RWDD2B: variants seen among roughly 807,000 people sequenced by gnomAD.
RWDD2B encodes RWD domain containing 2B.
Under a neutral mutation model 33.6 loss-of-function variants are expected in RWDD2B, and 36 were observed. That is an observed-to-expected ratio of 1.07 (90% CI 0.82 to 1.42). The LOEUF is 1.42. Ranked by LOEUF, RWDD2B falls within the 40% of genes most tolerant of loss-of-function variation. The pLI is 0.00. For synonymous variants in RWDD2B, 126 were observed against 133.1 expected (o/e 0.95, Z 0.37); for missense variants, 364 against 377.5 (o/e 0.96, Z 0.30).
intron 1 of RWDD2B, among the ~76,000 whole-genome samples, chr21:29,010,937 G>A (rs1315994053): frequency 6.6e-6 from 1 of 152,216 alleles, no homozygotes; most frequent in Admixed American, 6.5e-5. Flanking sequence ...CCCGAGATGC[G>A]GGGATTGCAG....
intron 1 of RWDD2B, among the ~76,000 whole-genome samples, chr21:29,010,722 A>G (rs2084853436): frequency 6.6e-6 from 1 of 151,324 alleles, no homozygotes; most frequent in South Asian, 2.1e-4. Flanking sequence ...TTCCGAGCCG[A>G]AGCTGGACGG....
intron 1 of RWDD2B, among the ~76,000 whole-genome samples, chr21:29,014,720 C>T (rs1170182074): frequency 6.6e-6 from 1 of 152,132 alleles, no homozygotes; most frequent in African/African-American, 2.4e-5. Context: ...ACTCAGGAGG[C>T]TGAGGCAGGA....
intron 1 of RWDD2B, among the ~76,000 whole-genome samples, chr21:29,015,053 T>G (rs1601024209): frequency 6.6e-6 from 1 of 151,882 alleles, no homozygotes; most frequent in South Asian, 2.1e-4. Flanking sequence ...GCTTAACAGG[T>G]TTTTACTTTC....
chr21:29,017,703 C>T (rs1477210570), intron 1 of RWDD2B, among the ~76,000 whole-genome samples: 1 of 152,112 alleles, frequency 6.6e-6, no homozygotes, highest in Non-Finnish European at 1.5e-5. Flanking sequence ...AATGAGGCAG[C>T]AGGGGTGAGA....
In RWDD2B at chr21:29,006,502, A is replaced by T. The variant is rs1333170979; in HGVS notation, c.875T>A (p.Met292Lys). 1.2e-6 allele frequency: 2 copies of T among 1,614,130 alleles called. No homozygotes were observed. The highest frequency in any genetic ancestry group is 2.7e-5 in the African/African-American group (2 of 75,056). The change falls in exon 5 of 5, where the codon ATG becomes AAG. Residue 292 changes from methionine (M) to lysine (K), a missense_variant. Met to Lys is a moderately conservative substitution (Grantham distance 95). Transcript: ENST00000493196. Reference sequence around the variant, plus strand: ...GAACTGATAGAGCTGACCAAAGTCCATGTGGTTTCCCCTGGCTCCATTAAC... The same window carrying T: ...GAACTGATAGAGCTGACCAAAGTCCTTGTGGTTTCCCCTGGCTCCATTAAC... ...FSVNGARGNH[M>K]DFGQLYQFLN... is the part of the protein sequence containing the mutation.
chr21:29,007,695 CAT>C (rs2084835174), intron 4 of RWDD2B, 64 bp downstream of exon 4: 10 of 1,532,318 alleles, frequency 6.5e-6, no homozygotes, highest in Non-Finnish European at 7.0e-6. Flanking sequence ...CTAGGCAGCA[CAT>C]GACTGTATCT....
rs556878240 is a variant in RWDD2B, at chr21:29,008,279, G to T, written c.323C>A (p.Pro108His). 1.9e-6 allele frequency: 3 copies of T among 1,614,146 alleles called. No homozygotes were observed. In the South Asian group the frequency reaches 3.3e-5, roughly 18 times the overall value. ...AGGCAGAACTGCCGGGTATTTAAAGGGAAGAATACAGGCCAGAGAAAACAT... is the reference window on the plus strand; with the variant it reads ...AGGCAGAACTGCCGGGTATTTAAAGTGAAGAATACAGGCCAGAGAAAACAT... ...MAMFSLACIL[P>H]FKYPAVLPEI... Residue 108 changes from proline to histidine, a missense_variant, in exon 3 of 5, where the codon CCC becomes CAC. Coordinates refer to ENST00000493196, the MANE Select transcript of RWDD2B (RefSeq NM_016940.3).
At chr21:29,018,786 T>G (rs2084901704) in intron 1 of RWDD2B, among the ~76,000 whole-genome samples, 1 of 152,114 alleles carries the variant, frequency 6.6e-6, no homozygotes, top group Non-Finnish European at 1.5e-5. Flanking sequence ...AGCCCAGGAG[T>G]TCAAGATCAG....
At position 29,006,105 on chromosome 21, in the gene RWDD2B, G is replaced by A. The variant is rs2084827040; in HGVS notation, c.*312C>T. 1 of 206,788 alleles carries A rather than the reference G, an allele frequency of 4.8e-6. No homozygotes were observed. Among genetic ancestry groups the A allele is most frequent in the South Asian group, 1.0e-4 (1 of 9,734 alleles). The allele number at this position is 206,788 out of a possible 1,614,324, so 12.8% of individuals were successfully genotyped here. A position where few individuals can be genotyped will look rare whatever the true frequency, so the allele number is the denominator to read the frequency against. ...TTCTTTAGTGAAGGCAGGTAAGGGAGAAGGGGGTTGGGAATGGCTGGCAAA... is the reference window on the plus strand; with the variant it reads ...TTCTTTAGTGAAGGCAGGTAAGGGAAAAGGGGGTTGGGAATGGCTGGCAAA... On this transcript the variant is annotated 3_prime_UTR_variant, in exon 5 of 5. Transcript: ENST00000493196.
chr21:29,010,941 A>C, intron 1 of RWDD2B, among the ~76,000 whole-genome samples: 1 of 152,110 alleles, frequency 6.6e-6, no homozygotes. Flanking sequence ...AGATGCGGGG[A>C]TTGCAGACGG....
chr21:29,018,895 A>C (rs1199592990), intron 1 of RWDD2B, among the ~76,000 whole-genome samples: 1 of 152,150 alleles, frequency 6.6e-6, no homozygotes, highest in East Asian at 1.9e-4. Flanking sequence ...TGAGTGGAAT[A>C]ATATCTTTTC....
rs779337601 is a variant in RWDD2B at position 29,007,812 on chromosome 21, C to T, written c.674G>A (p.Gly225Asp). 6.2e-7 allele frequency: 1 copy of T among 1,614,208 alleles called. No homozygotes were observed. The highest frequency in any genetic ancestry group is 8.5e-7 in the Non-Finnish European group (1 of 1,180,026). Residue 225 changes from glycine to aspartate, a missense_variant, in exon 4 of 5, where the codon GGT becomes GAT. Physicochemically the swap from Gly to Asp is moderately conservative, Grantham distance 94 (BLOSUM62 -1). Coordinates refer to ENST00000493196, the MANE Select transcript of RWDD2B (RefSeq NM_016940.3). ...LSGFSMPGKP[G>D]VVCVEGPQSA... ...TTGTGGGCCTTCCACACAAACAACA[C>T]CAGGTTTTCCAGGCATGCTAAACCC... is the stretch of plus-strand genomic sequence containing the variant.
intron 1 of RWDD2B, among the ~76,000 whole-genome samples, chr21:29,018,089 T>C (rs892653377): frequency 1.3e-5 from 2 of 152,188 alleles, no homozygotes; most frequent in Non-Finnish European, 2.9e-5. Context: ...TGACCAGATA[T>C]AGACACCGCA....
chr21:29,008,586 G>A lies in RWDD2B; in HGVS notation c.103C>T (p.Gln35Ter). 6.2e-7 allele frequency: 1 copy of A among 1,613,678 alleles called. No individual in the cohort carries two copies. Residue 35 changes from glutamine to a stop codon, truncating the protein, a stop_gained, in exon 2 of 5, where the codon CAG becomes TAG. Transcript: ENST00000493196. LOFTEE classifies it high-confidence loss of function. ...YTCPKMIEMEQAEAQLAELDL... is the reference protein window; with the variant it reads ...YTCPKMIEME Reference sequence around the variant, plus strand: ...AACTCAGCAAGCTGGGCCTCCGCCTGCTCCATCTCAATCATTTTTGGACAT... The same window carrying A: ...AACTCAGCAAGCTGGGCCTCCGCCTACTCCATCTCAATCATTTTTGGACAT...
At chr21:29,007,534 A>G (rs182330189) in intron 4 of RWDD2B, among the ~76,000 whole-genome samples, 5 of 152,314 alleles carry the variant, frequency 3.3e-5, no homozygotes, top group Admixed American at 3.3e-4. Context: ...TTTCATATAG[A>G]AAACCAAATG....
rs140504830 is a variant in RWDD2B, at chr21:29,008,457, C to G, written c.232G>C (p.Gly78Arg). 9 of 1,614,172 alleles carry G rather than the reference C, an allele frequency of 5.6e-6. No individual in the cohort carries two copies. Among genetic ancestry groups the G allele is most frequent in the Middle Eastern group, 1.6e-4 (1 of 6,062 alleles). Residue 78 changes from glycine to arginine, a missense_variant, in exon 2 of 5, where the codon GGG (glycine) becomes CGG (arginine). By Grantham distance (125) the Gly-to-Arg change is moderately radical (BLOSUM62 -2). Coordinates refer to ENST00000493196, the MANE Select transcript of RWDD2B (RefSeq NM_016940.3). ...GTAAAGTAGACTTTTGAAGATCGCC[C>G]CTCCATTGTCTTCTTTTCAATACAA... ...KDCIEKKTMEGRSSKVYFTIN... is the reference protein window; with the variant it reads ...KDCIEKKTMERRSSKVYFTIN...
Position 29,007,895 on chromosome 21 carries a change from G to A in RWDD2B, c.591C>T (p.Ile197=). The change falls in exon 4 of 5, where the codon ATC becomes ATT. Residue 197 remains isoleucine, a synonymous_variant. Transcript: ENST00000493196. ...FTRLWIYSHH[I]YNKCKRKNIL... ...TATTCTTTCTTTTGCATTTGTTATA[G>A]ATATGATGGCTGTAGATCCAGAGTC... is the stretch of plus-strand genomic sequence containing the variant. 1.2e-6 allele frequency: 2 copies of A among 1,614,236 alleles called. No homozygotes were observed. The highest frequency in any genetic ancestry group is 1.1e-5 in the South Asian group (1 of 91,088).
chr21:29,016,665 A>G (rs568799943), intron 1 of RWDD2B, among the ~76,000 whole-genome samples: 9 of 152,326 alleles, frequency 5.9e-5, no homozygotes, highest in African/African-American at 2.2e-4. Flanking sequence ...GAGAAACATA[A>G]AAAACAACTA....
At position 29,006,600 on chromosome 21, in the gene RWDD2B, A is replaced by T. The variant is rs1190830220; in HGVS notation, c.777T>A (p.Ile259=). The T allele has an allele frequency of 1.9e-6, 3 of 1,613,182 alleles. No individual in the cohort carries two copies. In the Admixed American group the frequency reaches 5.0e-5, roughly 27 times the overall value. Residue 259 remains isoleucine, a synonymous_variant, in exon 5 of 5, where the codon ATT becomes ATA. Coordinates refer to ENST00000493196, the MANE Select transcript of RWDD2B (RefSeq NM_016940.3). ...KRILIRHRED[I]PFDGTNDETE... ...TTTCATCATTTGTACCATCAAAAGG[A>T]ATGTCTTCTCGATGGCGAATTAAAA...
Sources: allele counts gnomAD v4.1 joint callset (sites outside exome capture counted in the v4.1 genomes callset), GRCh38; gene constraint gnomAD v4.1.1; transcripts MANE v1.5; gene names NCBI Gene and HGNC (gene_info 2026-07-23, HGNC 2026-07-21).